The following SHANK2 variants were observed in gnomAD, a reference collection of about 807,000 sequenced individuals.
The protein encoded by SHANK2 is SH3 and multiple ankyrin repeat domains 2.
A neutral mutation model predicts 133.7 loss-of-function variants in SHANK2; 43 were observed. The observed-to-expected ratio is 0.32, with a 90% CI of 0.25 to 0.41. The LOEUF (loss-of-function observed/expected upper bound fraction) is 0.41, where lower values mean the gene tolerates loss of function less well. SHANK2 is among the 10% of genes least tolerant of loss of function. The pLI, the probability that SHANK2 is intolerant of heterozygous loss-of-function variation, is 1.00. For synonymous variants in SHANK2, 1,017 were observed against 952.8 expected (o/e 1.07, Z -1.24); for missense variants, 1,994 against 2,235.8 (o/e 0.89, Z 2.18).
intron 10 of SHANK2, among the ~76,000 whole-genome samples, chr11:70,924,012 CA>C (rs1950391419): frequency 6.6e-6 from 1 of 152,196 alleles, no homozygotes. Context: ...CGTGTCTGCT[CA>C]GGGGGAGGCA....
chr11:70,556,387 CT>C lies in SHANK2; in HGVS notation c.2062-53457del, dbSNP rs1161443964. 1.1e-4 allele frequency among the ~76,000 whole-genome samples: 5 copies of C among 47,588 alleles called. No homozygotes were observed. In the East Asian group the frequency reaches 1.4e-3, roughly 13 times the overall value. The allele number at this position is 47,588 out of a possible 152,430, so 31.2% of individuals were successfully genotyped here. On this transcript the variant is annotated intron_variant, in intron 17 of 25. Coordinates refer to ENST00000601538, the MANE Select transcript of SHANK2 (RefSeq NM_012309.5). ...ACATTTATTTTCTCTCTGTCTCTTT[CT>C]TTCTTTCTCTCTCTCTCTCTCTCTC...
At chr11:70,654,540 A>G (rs1348366103) in intron 17 of SHANK2, 2 of 152,142 alleles carry the variant, frequency 1.3e-5, no homozygotes, top group African/African-American at 4.8e-5. Flanking sequence ...ATGGTATTAG[A>G]TGATATTGTG....
intron 17 of SHANK2, among the ~76,000 whole-genome samples, chr11:70,657,834 G>C (rs2061422476): frequency 6.6e-6 from 1 of 152,150 alleles, no homozygotes; most frequent in Non-Finnish European, 1.5e-5. Context: ...AACTCTCAAA[G>C]CTCCAAATTT....
chr11:71,091,755 C>T (rs1410715425), intron 8 of SHANK2, among the ~76,000 whole-genome samples: 1 of 152,212 alleles, frequency 6.6e-6, no homozygotes, highest in East Asian at 1.9e-4. Context: ...CCCTCCTCAG[C>T]CCTGGCTCTC....
At chr11:71,190,826 T>A (rs1555115286) in intron 2 of SHANK2, among the ~76,000 whole-genome samples, 1 of 152,072 alleles carries the variant, frequency 6.6e-6, no homozygotes, top group East Asian at 1.9e-4. Context: ...GGCCTCACTT[T>A]CCCCATCTGG....
chr11:70,496,763 A>C (rs2058977127), intron 21 of SHANK2, among the ~76,000 whole-genome samples: 1 of 150,402 alleles, frequency 6.6e-6, no homozygotes, highest in East Asian at 1.9e-4. Context: ...TGGGCTGCCC[A>C]GCCCTGGGCC....
At chr11:70,549,987 T>C (rs1354478641) in intron 17 of SHANK2, among the ~76,000 whole-genome samples, 4 of 152,040 alleles carry the variant, frequency 2.6e-5, no homozygotes, top group African/African-American at 9.7e-5. Context: ...GGCCTCCCCA[T>C]GTGCAGGGCA....
At chr11:70,611,368 G>A (rs1258527061) in intron 17 of SHANK2, among the ~76,000 whole-genome samples, 1 of 152,132 alleles carries the variant, frequency 6.6e-6, no homozygotes, top group Non-Finnish European at 1.5e-5. Context: ...GGCATTACCC[G>A]TTCCTCGACA....
At chr11:70,633,122 T>C (rs2061022025) in intron 17 of SHANK2, among the ~76,000 whole-genome samples, 1 of 151,410 alleles carries the variant, frequency 6.6e-6, no homozygotes, top group African/African-American at 2.4e-5. Flanking sequence ...GTTGAATATA[T>C]AAATACGTTA....
chr11:70,694,230 G>A (rs1363147147), intron 15 of SHANK2, among the ~76,000 whole-genome samples: 1 of 152,192 alleles, frequency 6.6e-6, no homozygotes, highest in Non-Finnish European at 1.5e-5. Flanking sequence ...TAATTAATGT[G>A]GCCATTTCTA....
chr11:70,568,646 G>GCCCCCCCCCCCCCCCCCCCCCCCCCCCCC (rs66982078), intron 17 of SHANK2, among the ~76,000 whole-genome samples: 1 of 79,966 alleles, frequency 1.3e-5, no homozygotes, highest in South Asian at 7.5e-4. Flanking sequence ...GCGGATTCCT[G>GCCCCCCCCCCCCCCCCCCCCCCCCCCCCC]CCCCCCCCGC....
In SHANK2 at chr11:70,949,641, C is replaced by T. The variant is rs557174581; in HGVS notation, c.1108-53074G>A. On this transcript the variant is annotated intron_variant, in intron 10 of 25. Transcript: ENST00000601538. The stretch of plus-strand genomic sequence containing the variant: ...GAGTGTTTGCAGGGATCATGGGGGG[C>T]CGGCTGGACACAACCACCTCCTCCT... Among the ~76,000 whole-genome samples, 22 of 152,282 alleles carry T rather than the reference C, an allele frequency of 1.4e-4. No individual in the cohort carries two copies. The South Asian group carries it at 4.6e-3, about 32-fold the overall frequency.
At chr11:71,114,676 C>G (rs1464330782) in intron 4 of SHANK2, among the ~76,000 whole-genome samples, 1 of 152,070 alleles carries the variant, frequency 6.6e-6, no homozygotes, top group African/African-American at 2.4e-5. Flanking sequence ...AGCTACAGGC[C>G]CATTTTAGAA....
At position 70,820,356 on chromosome 11, in the gene SHANK2, C is replaced by T. The variant is rs1555055496; in HGVS notation, c.1493+8G>A. On this transcript the variant is annotated splice_region_variant and intron_variant, in intron 12 of 25. Transcript: ENST00000601538. ...GTCTTCCTTCCCTTGGCGTCTGCCA[C>T]TCCTTACCCGACATGCCAGAGAGGC... 1 of 618,630 alleles carries T rather than the reference C, an allele frequency of 1.6e-6. No individual in the cohort carries two copies. Among genetic ancestry groups the T allele is most frequent in the Admixed American group, 2.6e-5 (1 of 38,732 alleles). The allele number at this position is 618,630 out of a possible 1,614,324, so 38.3% of individuals were successfully genotyped here.
rs1050401004 is a variant in SHANK2 at position 70,830,043 on chromosome 11, C to T, written c.1175-9361G>A. ...AAGAGCCTCCTTCCCCCACACCCAC[C>T]ACTTGCCCCCTTCCCTGGTGGGTGC... On this transcript the variant is annotated intron_variant, in intron 11 of 25. Transcript: ENST00000601538. The surrounding 1 kb of genome is among the most constrained non-coding windows in gnomAD (Gnocchi z 4.4). 2.0e-5 allele frequency among the ~76,000 whole-genome samples: 3 copies of T among 152,194 alleles called. No individual in the cohort carries two copies. The highest frequency in any genetic ancestry group is 4.8e-5 in the African/African-American group (2 of 41,456).
intron 17 of SHANK2, among the ~76,000 whole-genome samples, chr11:70,637,381 T>C (rs1443183840): frequency 2.6e-5 from 4 of 152,000 alleles, no homozygotes; most frequent in Non-Finnish European, 4.4e-5. Context: ...AGGGTGCCTA[T>C]AGAGACCCTC....
intron 17 of SHANK2, among the ~76,000 whole-genome samples, chr11:70,613,212 CT>C (rs1357887140): frequency 2.0e-5 from 3 of 151,186 alleles, no homozygotes; most frequent in Non-Finnish European, 3.0e-5. Flanking sequence ...TTTCTTTTTT[CT>C]TTTTTTTTGA....
chr11:70,489,115 T>C, intron 24 of SHANK2: 1 of 566,420 alleles, frequency 1.8e-6, no homozygotes, highest in Non-Finnish European at 3.2e-6. Context: ...AAACTTCCAT[T>C]CGATAAGGGT....
In SHANK2 at chr11:70,487,582, G is replaced by C. The variant is rs574473398; in HGVS notation, c.2711C>G (p.Thr904Ser). Residue 904 changes from threonine (T) to serine (S), a missense_variant, in exon 25 of 26, where the codon ACC (threonine) becomes AGC (serine). Transcript: ENST00000601538. The surrounding 1 kb of genome is among the most constrained non-coding windows in gnomAD (Gnocchi z 5.8). ...VPPSPPPPSP[T>S]TYNCPKSPTP... ...TGGGGACTTGGGGCAGTTGTAAGTG[G>C]TTGGGGAAGGTGGTGGTGGGGACGG... The C allele has an allele frequency of 1.2e-6, 2 of 1,613,228 alleles. No individual in the cohort carries two copies. The highest frequency in any genetic ancestry group is 2.7e-5 in the African/African-American group (2 of 74,922).
Sources: gnomAD v4.1 joint callset for allele counts (sites outside exome capture counted in the v4.1 genomes callset) on GRCh38, gnomAD v4.1.1 for gene constraint, Gnocchi (gnomAD v3.1) non-coding constraint, MANE v1.5 for transcripts, NCBI Gene and HGNC (gene_info 2026-07-23, HGNC 2026-07-21) for gene names.